The following FBXO15 variants were observed in gnomAD, a reference collection of about 807,000 sequenced individuals.
FBXO15 encodes the protein F-box only protein 15.
A neutral mutation model predicts 49.5 loss-of-function variants in FBXO15; 30 were observed. The observed-to-expected ratio is 0.61, with a 90% CI of 0.45 to 0.82. The LOEUF (loss-of-function observed/expected upper bound fraction) is 0.82, where lower values mean the gene tolerates loss of function less well. Ranked by LOEUF, FBXO15 falls within the 40% of genes least tolerant of loss-of-function variation. The probability of loss-of-function intolerance (pLI) is 0.00; values close to 1 mark genes in which losing one functional copy is unlikely to be tolerated. For synonymous variants in FBXO15, 250 were observed against 232.7 expected (o/e 1.07, Z -0.68); for missense variants, 591 against 631.5 (o/e 0.94, Z 0.69).
rs1599163346 is a variant in FBXO15, at chr18:74,114,152, T to A, written c.1138+9216A>T. 2.0e-5 allele frequency among the ~76,000 whole-genome samples: 3 copies of A among 152,376 alleles called. No homozygotes were observed. In the South Asian group the frequency reaches 6.2e-4, roughly 32 times the overall value. On this transcript the variant is annotated intron_variant, in intron 8 of 9. Coordinates refer to ENST00000419743, the MANE Select transcript of FBXO15 (RefSeq NM_001142958.2). ...CTTTGCTTCTGAGAGTCTGGAATTC[T>A]GCTAGTGCCAGGCAGAGACTGCCTA...
At position 74,147,670 on chromosome 18, in the gene FBXO15, C is replaced by G; in HGVS notation, c.116G>C (p.Arg39Thr). 2.0e-6 allele frequency: 3 copies of G among 1,472,284 alleles called. No homozygotes were observed. Among genetic ancestry groups the G allele is most frequent in the Non-Finnish European group, 2.7e-6 (3 of 1,116,692 alleles). 91.2% of individuals were successfully genotyped at this position (1,472,284 alleles called of 1,614,324 possible). A position where few individuals can be genotyped will look rare whatever the true frequency, so the allele number is the denominator to read the frequency against. ...ARGRARAFGC[R>T]KGPGVKLSAG... ...CCCCACCCGCAGGCCCTACAGTCAC[C>G]TGCACCCAAAGGCCCTGGCGCGCCC... is the stretch of plus-strand genomic sequence containing the variant. Residue 39 changes from arginine to threonine, a missense_variant and splice_region_variant, in exon 1 of 10, where the codon AGA (arginine) becomes ACA (threonine). By Grantham distance (71) the Arg-to-Thr change is moderately conservative (BLOSUM62 -1). Coordinates refer to ENST00000419743, the MANE Select transcript of FBXO15 (RefSeq NM_001142958.2).
chr18:74,119,458 T>C (rs1914379148), intron 8 of FBXO15, among the ~76,000 whole-genome samples: 1 of 152,034 alleles, frequency 6.6e-6, no homozygotes. Context: ...ATAAACTACC[T>C]AAATAAGTAA....
In FBXO15 at chr18:74,120,260, T is replaced by C. The variant is rs140631888; in HGVS notation, c.1138+3108A>G. ...AAATTCACTGTCAGAGTTGGAGATC[T>C]CAACACCTCTCTCTAACTGATAAAA... On this transcript the variant is annotated intron_variant, in intron 8 of 9. Coordinates refer to ENST00000419743, the MANE Select transcript of FBXO15 (RefSeq NM_001142958.2). Among the ~76,000 whole-genome samples the C allele has an allele frequency of 2.4e-3, 370 of 152,294 alleles. 2 individuals carry two copies. Among genetic ancestry groups the C allele is most frequent in the South Asian group, 6.0e-3 (29 of 4,828 alleles).
chr18:74,140,111 A>G, intron 2 of FBXO15, 91 bp downstream of exon 2: 1 of 1,079,698 alleles, frequency 9.3e-7, no homozygotes, highest in Non-Finnish European at 1.3e-6. Flanking sequence ...CAAGCTCAAA[A>G]TAGCAACTTG....
Position 74,075,724 on chromosome 18 carries a change from A to T in FBXO15, c.1264-1994T>A, listed in dbSNP as rs1263935299. Among the ~76,000 whole-genome samples, 1 of 152,234 alleles carries T rather than the reference A, an allele frequency of 6.6e-6. No homozygotes were observed. The highest frequency in any genetic ancestry group is 1.5e-5 in the Non-Finnish European group (1 of 68,044). ...GCAGTGTTTAGTTTTTCAAGAGAAC[A>T]GTGAAGAGTAATTCTACCTCTCCAA... On this transcript the variant is annotated intron_variant, in intron 9 of 9. Transcript: ENST00000419743. This position sits in a 1 kb window ranked among gnomAD's most constrained non-coding sequence, Gnocchi z 4.1.
intron 8 of FBXO15, chr18:74,098,056 T>C (rs1913357033): frequency 6.6e-6 from 1 of 151,680 alleles, no homozygotes; most frequent in African/African-American, 2.4e-5. Flanking sequence ...GGAAACCACA[T>C]CCCTAGGAAA....
chr18:74,144,019 C>A (rs1472878287), intron 1 of FBXO15, among the ~76,000 whole-genome samples: 1 of 152,200 alleles, frequency 6.6e-6, no homozygotes, highest in Non-Finnish European at 1.5e-5. Flanking sequence ...CCACAATATG[C>A]CTGGCATGCG....
chr18:74,133,318 C>CA (rs1978512668), intron 3 of FBXO15, among the ~76,000 whole-genome samples: 1 of 152,070 alleles, frequency 6.6e-6, no homozygotes, highest in Admixed American at 6.5e-5. Context: ...TAAAAGTATG[C>CA]AAAAAACATC....
At chr18:74,137,402 A>T (rs937326288) in intron 2 of FBXO15, among the ~76,000 whole-genome samples, 1 of 152,250 alleles carries the variant, frequency 6.6e-6, no homozygotes, top group Non-Finnish European at 1.5e-5. Context: ...TGAACAAAAA[A>T]ACAGAGCTGG....
At chr18:74,129,208 C>T (rs925788565) in intron 5 of FBXO15, among the ~76,000 whole-genome samples, 197 bp downstream of exon 5, 3 of 152,102 alleles carry the variant, frequency 2.0e-5, no homozygotes, top group Non-Finnish European at 2.9e-5. Context: ...CCCCAAGATA[C>T]GAGGAAGTTA....
intron 9 of FBXO15, 40 bp downstream of exon 9, chr18:74,081,887 A>C: frequency 9.7e-6 from 14 of 1,443,708 alleles, no homozygotes; most frequent in Non-Finnish European, 1.3e-5. Context: ...TTATATAGAA[A>C]TCAAGTTACT....
chr18:74,135,251 CCT>C (rs1978646127), intron 3 of FBXO15, among the ~76,000 whole-genome samples: 1 of 152,210 alleles, frequency 6.6e-6, no homozygotes, highest in South Asian at 2.1e-4. Context: ...ACAGTCTTGG[CCT>C]CTCTCTATCC....
intron 3 of FBXO15, among the ~76,000 whole-genome samples, chr18:74,134,266 C>T (rs1978576251): frequency 6.6e-6 from 1 of 151,908 alleles, no homozygotes; most frequent in Non-Finnish European, 1.5e-5. Context: ...GATCTGAGGG[C>T]TTATTCTGAG....
rs760823560 is a variant in FBXO15 at position 74,145,594 on chromosome 18, C to CTTTTTTTTTTTTTTT, written c.116+2061_116+2075dup. Among the ~76,000 whole-genome samples, 5 of 96,370 alleles carry CTTTTTTTTTTTTTTT rather than the reference C, an allele frequency of 5.2e-5. 1 individual carries two copies. The highest frequency in any genetic ancestry group is 1.0e-4 in the Admixed American group (1 of 9,584). The allele number at this position is 96,370 out of a possible 152,430, so 63.2% of individuals were successfully genotyped here. ...TTATCCATAAAATAAACCAACTGCA[C>CTTTTTTTTTTTTTTT]TTTTTTTTTTTTTTTTTTTTTGCGA... On this transcript the variant is annotated intron_variant, in intron 1 of 9. Coordinates refer to ENST00000419743, the MANE Select transcript of FBXO15 (RefSeq NM_001142958.2).
Position 74,126,117 on chromosome 18 carries a change from C to T in FBXO15, c.786-16G>A. 6.2e-7 allele frequency: 1 copy of T among 1,612,584 alleles called. No homozygotes were observed. The stretch of plus-strand genomic sequence containing the variant: ...CCATCGGAGTCTTTGAACGTTATGC[C>T]AAGGAAAGGAGAGAGAGAAGTGAGC... On this transcript the variant is annotated splice_polypyrimidine_tract_variant and intron_variant, in intron 5 of 9. Transcript: ENST00000419743.
At chr18:74,096,657 A>C (rs924257209) in intron 8 of FBXO15, among the ~76,000 whole-genome samples, 22 of 152,022 alleles carry the variant, frequency 1.4e-4, no homozygotes, top group African/African-American at 4.8e-4. Context: ...AAAAAAAAAA[A>C]ACACAAAAAA....
At chr18:74,124,411 G>C (rs1914611026) in intron 7 of FBXO15, 78 bp downstream of exon 7, 1 of 1,158,518 alleles carries the variant, frequency 8.6e-7, no homozygotes, top group Non-Finnish European at 1.3e-6. Flanking sequence ...CTATTCTCAG[G>C]ATATTAAGAT....
chr18:74,107,204 AAAAC>A (rs1390265770), intron 8 of FBXO15, among the ~76,000 whole-genome samples: 1 of 145,790 alleles, frequency 6.9e-6, no homozygotes, highest in Non-Finnish European at 1.5e-5. Flanking sequence ...AAAAAAAAAA[AAAAC>A]AACAAATTCT....
At chr18:74,128,563 GA>G (rs1978301004) in intron 5 of FBXO15, among the ~76,000 whole-genome samples, 3 of 152,190 alleles carry the variant, frequency 2.0e-5, no homozygotes, top group African/African-American at 7.2e-5. Context: ...GGGAGGGCAG[GA>G]AACCAACGCA....
Sources: allele counts gnomAD v4.1 joint callset (sites outside exome capture counted in the v4.1 genomes callset), GRCh38; gene constraint gnomAD v4.1.1; non-coding constraint Gnocchi (gnomAD v3.1); transcripts MANE v1.5; gene names NCBI Gene and HGNC (gene_info 2026-07-23, HGNC 2026-07-21).